Variants in NFYC observed in about 807,000 individuals in gnomAD.
NFYC encodes the protein CAAT box DNA-binding protein subunit C.
In NFYC, 25 loss-of-function variants were observed where a neutral mutation model predicts 53.1. That is an observed-to-expected ratio of 0.47 (90% CI 0.34 to 0.66). NFYC has a LOEUF of 0.66. Among genes scored for constraint, NFYC ranks in the 30% least tolerant of loss-of-function variants. The pLI is 0.01. For missense variants in NFYC, 260 were observed against 422.7 expected, an observed-to-expected ratio of 0.62 and a Z score of 3.38; for synonymous variants, 145 against 152.6, an observed-to-expected ratio of 0.95 and a Z score of 0.37.
At position 40,720,879 on chromosome 1, in the gene NFYC, T is replaced by A. The variant is rs77112833; in HGVS notation, c.-8-17957T>A. On this transcript the variant is annotated intron_variant, in intron 1 of 9. Transcript: ENST00000447388. ...GCAAGACACTGTTATTTAAAAAAAA[T>A]TTTTTTTTAAGTTCTTGAGGAACCT... Among the ~76,000 whole-genome samples, 473 of 151,748 alleles carry A rather than the reference T, an allele frequency of 3.1e-3. 2 individuals are homozygous for A. The highest frequency in any genetic ancestry group is 9.7e-3 in the African/African-American group (403 of 41,406).
intron 1 of NFYC, among the ~76,000 whole-genome samples, chr1:40,708,662 A>G (rs138573334): frequency 2.0e-5 from 3 of 152,354 alleles, no homozygotes; most frequent in African/African-American, 7.2e-5. Context: ...CTTTGCCTTG[A>G]TACCAGTCTG....
chr1:40,708,045 C>A (rs933430873), intron 1 of NFYC, among the ~76,000 whole-genome samples: 11 of 152,128 alleles, frequency 7.2e-5, no homozygotes, highest in African/African-American at 2.7e-4. Context: ...CTGTACGGAA[C>A]ATATGCAGAC....
intron 1 of NFYC, among the ~76,000 whole-genome samples, chr1:40,736,924 T>C (rs1038661170): frequency 5.3e-5 from 8 of 151,334 alleles, no homozygotes; most frequent in Non-Finnish European, 1.0e-4. Context: ...GTCAGGAGTT[T>C]GAGGCAGCCT....
At chr1:40,710,946 G>C (rs1409544330) in intron 1 of NFYC, among the ~76,000 whole-genome samples, 1 of 152,188 alleles carries the variant, frequency 6.6e-6, no homozygotes, top group African/African-American at 2.4e-5. Flanking sequence ...CTGTACTTCT[G>C]ATATTCAAGT....
intron 6 of NFYC, among the ~76,000 whole-genome samples, chr1:40,762,116 G>A (rs1166509706): frequency 6.6e-6 from 1 of 152,246 alleles, no homozygotes; most frequent in East Asian, 1.9e-4. Context: ...GTGAGAGACA[G>A]AATCTGCCAA....
chr1:40,721,773 G>C (rs952475083), intron 1 of NFYC: 2 of 152,222 alleles, frequency 1.3e-5, no homozygotes, highest in Non-Finnish European at 2.9e-5. Context: ...ATGTTTCCCA[G>C]GCTGATCTTG....
At chr1:40,722,102 C>T (rs926139730) in intron 1 of NFYC, among the ~76,000 whole-genome samples, 14 of 151,964 alleles carry the variant, frequency 9.2e-5, no homozygotes, top group South Asian at 2.1e-4. Flanking sequence ...ACCCGGGAGG[C>T]GAAGCTTGCA....
chr1:40,737,889 C>A lies in NFYC; in HGVS notation c.-8-947C>A, dbSNP rs533819707. ...GTCTAAAACAAAAGAAGAAACTTAG[C>A]GTGCTCTCTCTCTTTTTTTTTTTTT... On this transcript the variant is annotated intron_variant, in intron 1 of 9. Transcript: ENST00000447388. Among the ~76,000 whole-genome samples the A allele has an allele frequency of 1.7e-4, 24 of 143,818 alleles. No individual in the cohort carries two copies. The South Asian group carries it at 5.1e-3, about 30-fold the overall frequency. The allele number at this position is 143,818 out of a possible 152,430, so 94.4% of individuals were successfully genotyped here.
chr1:40,706,112 C>T (rs140155869), intron 1 of NFYC, among the ~76,000 whole-genome samples: 1 of 152,034 alleles, frequency 6.6e-6, no homozygotes, highest in Non-Finnish European at 1.5e-5. Context: ...ATATATATGG[C>T]ACCTAAGAAT....
intron 2 of NFYC, among the ~76,000 whole-genome samples, chr1:40,746,682 A>AT (rs1329429240): frequency 4.6e-5 from 7 of 152,238 alleles, no homozygotes; most frequent in African/African-American, 1.4e-4. Flanking sequence ...CTCAAAATTG[A>AT]TTTTTTTCCT....
intron 1 of NFYC, among the ~76,000 whole-genome samples, chr1:40,719,396 A>C (rs1644254172): frequency 6.6e-6 from 1 of 152,228 alleles, no homozygotes; most frequent in Non-Finnish European, 1.5e-5. Context: ...CTATGAAAAC[A>C]TCTCCAATAT....
At chr1:40,735,782 T>C (rs1042015562) in intron 1 of NFYC, 2 of 982,690 alleles carry the variant, frequency 2.0e-6, no homozygotes, top group Non-Finnish European at 2.4e-6. Context: ...TTGATAATTA[T>C]TATTATTTCC....
intron 4 of NFYC, among the ~76,000 whole-genome samples, chr1:40,752,230 C>T (rs1645955752): frequency 6.6e-6 from 1 of 152,030 alleles, no homozygotes; most frequent in South Asian, 2.1e-4. Context: ...TCTGTTTATC[C>T]CTCTATCCAT....
At chr1:40,759,848 C>T (rs10158384) in intron 6 of NFYC, among the ~76,000 whole-genome samples, 11,415 of 151,888 alleles carry the variant, frequency 0.075, 785 homozygotes, top group African/African-American at 0.18. Context: ...GGACCATCTA[C>T]GCAAGTTTGG....
At chr1:40,731,119 C>CTGTT (rs535587398) in intron 1 of NFYC, among the ~76,000 whole-genome samples, 2 of 152,082 alleles carry the variant, frequency 1.3e-5, no homozygotes, top group Non-Finnish European at 2.9e-5. Context: ...GTGCCCTGAA[C>CTGTT]TGTTGGGATA....
chr1:40,758,271 A>G lies in NFYC; in HGVS notation c.538A>G (p.Ile180Val), dbSNP rs1316043364. Residue 180 changes from isoleucine to valine, a missense_variant, in exon 6 of 10, where the codon ATC (isoleucine) becomes GTC (valine). Physicochemically the swap from Ile to Val is conservative, Grantham distance 29. Coordinates refer to ENST00000447388, the MANE Select transcript of NFYC (RefSeq NM_014223.5). ...CACCATCCAGCCTGGGCAGATCATC[A>G]TCGCACAGCCTCAGCAGGGCCAGGT... ...TTTIQPGQII[I>V]AQPQQGQTTP... is the part of the protein sequence containing the mutation. The G allele has an allele frequency of 4.3e-6, 7 of 1,613,160 alleles. No homozygotes were observed. The highest frequency in any genetic ancestry group is 5.9e-6 in the Non-Finnish European group (7 of 1,179,632).
At chr1:40,730,173 C>T (rs994109533) in intron 1 of NFYC, among the ~76,000 whole-genome samples, 1 of 149,486 alleles carries the variant, frequency 6.7e-6, no homozygotes, top group Admixed American at 6.7e-5. Context: ...ATCAGCAGGA[C>T]TGGCTAATTT....
intron 7 of NFYC, among the ~76,000 whole-genome samples, chr1:40,764,233 G>T (rs781756015): frequency 6.6e-6 from 1 of 152,198 alleles, no homozygotes; most frequent in African/African-American, 2.4e-5. Flanking sequence ...TGAAACGTAG[G>T]CAGGTATAGA....
chr1:40,722,572 C>T, intron 1 of NFYC, among the ~76,000 whole-genome samples: 1 of 152,326 alleles, frequency 6.6e-6, no homozygotes, highest in Admixed American at 6.5e-5. Flanking sequence ...GGTGTCTTGT[C>T]TAGCTTCAGG....
Sources: gnomAD v4.1 joint callset for allele counts (sites outside exome capture counted in the v4.1 genomes callset) on GRCh38, gnomAD v4.1.1 for gene constraint, MANE v1.5 for transcripts, NCBI Gene and HGNC (gene_info 2026-07-23, HGNC 2026-07-21) for gene names.